KCTD16: variants seen among roughly 807,000 people sequenced by gnomAD.
The protein encoded by KCTD16 is potassium channel tetramerization domain containing 16, also known as BTB/POZ domain-containing protein KCTD16.
KCTD16 carries 13 observed loss-of-function variants against 33.2 expected under a neutral mutation model. The observed-to-expected ratio is 0.39, with a 90% CI of 0.25 to 0.62. The LOEUF (loss-of-function observed/expected upper bound fraction) is 0.62. Among genes scored for constraint, KCTD16 ranks in the 20% least tolerant of loss-of-function variants. KCTD16 has a pLI of 0.50. For missense variants in KCTD16, 441 were observed against 525.1 expected (o/e 0.84, Z 1.57); for synonymous variants, 197 against 195.3 (o/e 1.01, Z -0.07).
intron 3 of KCTD16, among the ~76,000 whole-genome samples, chr5:144,259,515 A>G (rs1021726876): frequency 2.6e-5 from 4 of 152,236 alleles, no homozygotes; most frequent in Non-Finnish European, 5.9e-5. Flanking sequence ...CAGACCATGT[A>G]GCTGGCTCCC....
intron 3 of KCTD16, among the ~76,000 whole-genome samples, chr5:144,307,924 G>T (rs1354353075): frequency 6.6e-6 from 1 of 152,174 alleles, no homozygotes; most frequent in African/African-American, 2.4e-5. Flanking sequence ...CCGTGTGGTA[G>T]CTGAACAAAG....
chr5:144,203,470 C>T (rs554887223), intron 2 of KCTD16, among the ~76,000 whole-genome samples: 2 of 152,144 alleles, frequency 1.3e-5, no homozygotes, highest in Non-Finnish European at 2.9e-5. Flanking sequence ...TAAAGCCCAT[C>T]CTGTTACTCT....
At position 144,259,023 on chromosome 5, in the gene KCTD16, C is replaced by T. The variant is rs190702376; in HGVS notation, c.832+51477C>T. On this transcript the variant is annotated intron_variant, in intron 3 of 3. Transcript: ENST00000512467. Reference sequence around the variant, plus strand: ...CCTGTAATACCAGCACTTTGGGAGACCGAAGTGGGCAGATCACGAGGTTAG... The same window carrying T: ...CCTGTAATACCAGCACTTTGGGAGATCGAAGTGGGCAGATCACGAGGTTAG... Among the ~76,000 whole-genome samples the T allele has an allele frequency of 4.5e-3, 678 of 152,098 alleles. 1 individual carries two copies. The highest frequency in any genetic ancestry group is 7.1e-3 in the Non-Finnish European group (483 of 67,988).
intron 2 of KCTD16, 198 bp from the exon 3 acceptor site, chr5:144,206,189 CAT>C (rs1753164889): frequency 6.5e-6 from 1 of 153,132 alleles, no homozygotes; most frequent in African/African-American, 2.4e-5. Flanking sequence ...TATAGATAAA[CAT>C]GTAGGCACAA....
intron 3 of KCTD16, among the ~76,000 whole-genome samples, chr5:144,403,745 C>T (rs539064643): frequency 1.3e-5 from 2 of 152,242 alleles, no homozygotes; most frequent in East Asian, 3.9e-4. Context: ...CTTTGGGGAG[C>T]CACTGTCAGT....
intron 3 of KCTD16, among the ~76,000 whole-genome samples, chr5:144,332,886 C>T (rs752019620): frequency 2.6e-5 from 4 of 152,060 alleles, no homozygotes; most frequent in East Asian, 1.9e-4. Context: ...ATAATCATGG[C>T]GGAAGGCAAA....
chr5:144,196,513 A>C (rs1171035089), intron 2 of KCTD16, among the ~76,000 whole-genome samples: 1 of 152,154 alleles, frequency 6.6e-6, no homozygotes, highest in Non-Finnish European at 1.5e-5. Flanking sequence ...TAATTGTATT[A>C]TATGTCCTAT....
intron 2 of KCTD16, among the ~76,000 whole-genome samples, chr5:144,175,801 T>A (rs889656732): frequency 2.6e-5 from 4 of 152,238 alleles, no homozygotes; most frequent in African/African-American, 9.6e-5. Context: ...GTCTAAGTAC[T>A]AAGTATTCCA....
chr5:144,344,547 C>T (rs1251998773), intron 3 of KCTD16, among the ~76,000 whole-genome samples: 5 of 151,364 alleles, frequency 3.3e-5, no homozygotes, highest in Admixed American at 6.6e-5. Context: ...GGGCAAAGGA[C>T]ATGAACAGAC....
At chr5:144,424,719 G>A (rs1011941382) in intron 3 of KCTD16, among the ~76,000 whole-genome samples, 3 of 152,090 alleles carry the variant, frequency 2.0e-5, no homozygotes, top group Non-Finnish European at 2.9e-5. Flanking sequence ...GAGCCTACCA[G>A]ACAAGAGACA....
chr5:144,413,453 A>G (rs1752978067), intron 3 of KCTD16, among the ~76,000 whole-genome samples: 1 of 152,250 alleles, frequency 6.6e-6, no homozygotes. Flanking sequence ...TAAATTGAAG[A>G]TTACACATAA....
rs1347742421 is a variant in KCTD16, at chr5:144,481,944, T to C, written c.*7830T>C. On this transcript the variant is annotated 3_prime_UTR_variant, in exon 4 of 4. Coordinates refer to ENST00000512467, the MANE Select transcript of KCTD16 (RefSeq NM_020768.4). ...TTTCATGCCTTATCTCATTTAATCC[T>C]ATCATAATCCAATGAAGTAAGCCCT... 1.3e-5 allele frequency: 2 copies of C among 151,982 alleles called. No homozygotes were observed. The highest frequency in any genetic ancestry group is 2.9e-5 in the Non-Finnish European group (2 of 67,942). 9.4% of individuals were successfully genotyped at this position (151,982 alleles called of 1,614,324 possible).
chr5:144,388,719 T>C (rs1191343708), intron 3 of KCTD16, among the ~76,000 whole-genome samples: 1 of 152,172 alleles, frequency 6.6e-6, no homozygotes, highest in Non-Finnish European at 1.5e-5. Flanking sequence ...TTACTCTTTG[T>C]CTTAGCCATG....
intron 3 of KCTD16, among the ~76,000 whole-genome samples, chr5:144,436,415 G>T (rs1036453714): frequency 1.3e-5 from 2 of 151,962 alleles, no homozygotes; most frequent in Non-Finnish European, 2.9e-5. Flanking sequence ...ATTTTGTAAG[G>T]CTATTGTTCA....
chr5:144,420,681 A>G (rs1018796237), intron 3 of KCTD16, among the ~76,000 whole-genome samples: 1 of 152,098 alleles, frequency 6.6e-6, no homozygotes, highest in African/African-American at 2.4e-5. Flanking sequence ...GGTCTAATGC[A>G]TCATGTATAG....
intron 3 of KCTD16, among the ~76,000 whole-genome samples, chr5:144,430,968 A>G (rs946369172): frequency 6.6e-6 from 1 of 152,112 alleles, no homozygotes; most frequent in Non-Finnish European, 1.5e-5. Context: ...AATAACATAA[A>G]TATTCCATAT....
intron 3 of KCTD16, among the ~76,000 whole-genome samples, chr5:144,409,189 G>A (rs1021911416): frequency 2.6e-5 from 4 of 152,116 alleles, no homozygotes; most frequent in African/African-American, 9.7e-5. Context: ...TTAGTTCCTA[G>A]AACTGTATAG....
chr5:144,481,946 T>C lies in KCTD16; in HGVS notation c.*7832T>C, dbSNP rs1476562088. ...TCATGCCTTATCTCATTTAATCCTA[T>C]CATAATCCAATGAAGTAAGCCCTAC... On this transcript the variant is annotated 3_prime_UTR_variant, in exon 4 of 4. Coordinates refer to ENST00000512467, the MANE Select transcript of KCTD16 (RefSeq NM_020768.4). The C allele has an allele frequency of 2.0e-5, 3 of 151,962 alleles. No individual in the cohort carries two copies. Among genetic ancestry groups the C allele is most frequent in the Non-Finnish European group, 4.4e-5 (3 of 67,928 alleles). 9.4% of individuals were successfully genotyped at this position (151,962 alleles called of 1,614,324 possible).
chr5:144,369,011 G>A (rs754767003), intron 3 of KCTD16, among the ~76,000 whole-genome samples: 4 of 152,122 alleles, frequency 2.6e-5, no homozygotes, highest in Non-Finnish European at 5.9e-5. Flanking sequence ...TGAAAATGAG[G>A]ACTGCCTCAT....
Sources: gnomAD v4.1 joint callset for allele counts (sites outside exome capture counted in the v4.1 genomes callset) on GRCh38, gnomAD v4.1.1 for gene constraint, MANE v1.5 for transcripts, NCBI Gene and HGNC (gene_info 2026-07-23, HGNC 2026-07-21) for gene names.